HECW1: variants seen among roughly 807,000 people sequenced by gnomAD.
The protein encoded by HECW1 is HECT, C2 and WW domain containing E3 ubiquitin protein ligase 1, also known as E3 ubiquitin-protein ligase HECW1.
HECW1 carries 61 observed loss-of-function variants against 182.3 expected under a neutral mutation model. That is an observed-to-expected ratio of 0.33 (90% CI 0.27 to 0.41). The LOEUF (loss-of-function observed/expected upper bound fraction) is 0.41. HECW1 is among the 10% of genes least tolerant of loss of function. The probability of loss-of-function intolerance (pLI) is 1.00; values close to 1 mark genes in which losing one functional copy is unlikely to be tolerated. For missense variants in HECW1, 1,739 were observed against 2,108.9 expected, an observed-to-expected ratio of 0.82 and a Z score of 3.44; for synonymous variants, 859 against 832.6, an observed-to-expected ratio of 1.03 and a Z score of -0.55.
intron 16 of HECW1, among the ~76,000 whole-genome samples, chr7:43,477,829 C>A (rs2078275148): frequency 6.6e-6 from 1 of 152,078 alleles, no homozygotes; most frequent in African/African-American, 2.4e-5. Flanking sequence ...CTCATACCTT[C>A]CAAGAATAAT....
intron 5 of HECW1, among the ~76,000 whole-genome samples, chr7:43,354,074 G>T (rs1266390948): frequency 1.3e-5 from 2 of 151,718 alleles, no homozygotes; most frequent in South Asian, 4.2e-4. Flanking sequence ...GCAAACCTGG[G>T]TTTAATGTGC....
chr7:43,531,317 G>A (rs2080976497), intron 24 of HECW1, among the ~76,000 whole-genome samples: 2 of 152,152 alleles, frequency 1.3e-5, no homozygotes, highest in African/African-American at 2.4e-5. Flanking sequence ...ACAGCACCCT[G>A]TGCACTTCTC....
At chr7:43,178,821 C>T (rs1419588612) in intron 2 of HECW1, among the ~76,000 whole-genome samples, 2 of 152,198 alleles carry the variant, frequency 1.3e-5, no homozygotes, top group African/African-American at 4.8e-5. Flanking sequence ...CCACTTGGAC[C>T]TTCAAGGCTT....
At chr7:43,262,243 T>C (rs964796203) in intron 3 of HECW1, among the ~76,000 whole-genome samples, 2 of 132,954 alleles carry the variant, frequency 1.5e-5, no homozygotes, top group Non-Finnish European at 3.1e-5. Context: ...TATATGTATG[T>C]GTGCGTGTGT....
intron 2 of HECW1, among the ~76,000 whole-genome samples, chr7:43,234,688 A>G (rs751828258): frequency 1.3e-5 from 2 of 152,104 alleles, no homozygotes; most frequent in Non-Finnish European, 2.9e-5. Flanking sequence ...TTGAAGTTGC[A>G]TGATCTCTAA....
At chr7:43,292,698 C>CAGGCTTAATGTGAGGCATTAAG in intron 3 of HECW1, among the ~76,000 whole-genome samples, 1 of 152,142 alleles carries the variant, frequency 6.6e-6, no homozygotes, top group African/African-American at 2.4e-5. Context: ...CAGCACATGT[C>CAGGCTTAATGTGAGGCATTAAG]ACCCAGCACC....
At chr7:43,231,999 G>A (rs1408406630) in intron 2 of HECW1, among the ~76,000 whole-genome samples, 3 of 146,646 alleles carry the variant, frequency 2.0e-5, no homozygotes, top group Admixed American at 6.8e-5. Flanking sequence ...TCCAGCCTGG[G>A]CGACAGAGCG....
At chr7:43,493,326 G>A (rs1042609117) in intron 19 of HECW1, 146 bp downstream of exon 19, 1 of 562,646 alleles carries the variant, frequency 1.8e-6, no homozygotes. Context: ...CAAGATGAAG[G>A]GTTCGGGGTT....
At chr7:43,326,793 G>T (rs1226108950) in intron 5 of HECW1, among the ~76,000 whole-genome samples, 1 of 152,224 alleles carries the variant, frequency 6.6e-6, no homozygotes, top group Non-Finnish European at 1.5e-5. Flanking sequence ...AGACCAAAGG[G>T]CACTGGAGGA....
At chr7:43,471,066 A>G (rs1424300000) in intron 16 of HECW1, among the ~76,000 whole-genome samples, 1 of 152,264 alleles carries the variant, frequency 6.6e-6, no homozygotes, top group Admixed American at 6.5e-5. Context: ...ATAAGTTAAT[A>G]AGTTAATGAA....
intron 25 of HECW1, 146 bp from the exon 26 acceptor site, chr7:43,541,723 A>G (rs2117270): frequency 0.34 from 211,766 of 629,016 alleles, 36,196 homozygotes; most frequent in African/African-American, 0.4. Flanking sequence ...ATGACTGAAT[A>G]ATCTGATTCA....
intron 29 of HECW1, among the ~76,000 whole-genome samples, chr7:43,557,413 G>A (rs2082064632): frequency 6.6e-6 from 1 of 152,236 alleles, no homozygotes; most frequent in Admixed American, 6.5e-5. Context: ...CTTTGTGTCA[G>A]TCCAAGCCCC....
intron 3 of HECW1, among the ~76,000 whole-genome samples, chr7:43,310,585 C>A (rs1309795144): frequency 6.6e-6 from 1 of 152,152 alleles, no homozygotes; most frequent in Non-Finnish European, 1.5e-5. Flanking sequence ...ACTCAGAATG[C>A]CAACGCTGTG....
chr7:43,522,541 T>G (rs1325221916), intron 24 of HECW1: 2 of 152,632 alleles, frequency 1.3e-5, no homozygotes, highest in African/African-American at 4.8e-5. Context: ...TCATGAAGGC[T>G]GGAGGTTAGC....
rs2078403561 is a variant in HECW1 at position 43,480,717 on chromosome 7, ACG to A, written c.3234+975_3234+976del. ...TATATACACACACACACACATATAT[ACG>A]CATATATATATATATATACACACAC... On this transcript the variant is annotated intron_variant, in intron 17 of 29. Transcript: ENST00000395891. Among the ~76,000 whole-genome samples the A allele has an allele frequency of 5.4e-5, 8 of 147,456 alleles. No homozygotes were observed. In the South Asian group the frequency reaches 1.8e-3, roughly 33 times the overall value.
rs188836396 is a variant in HECW1 at position 43,454,168 on chromosome 7, C to T, written c.2501-2129C>T. On this transcript the variant is annotated intron_variant, in intron 12 of 29. Transcript: ENST00000395891. ...AGCCAACCTTTGTCTGCGAAGGACC[C>T]CTTTCTTTACTGTAGGTTCCTGGAG... Among the ~76,000 whole-genome samples the T allele has an allele frequency of 2.8e-3, 424 of 152,308 alleles. 1 individual carries two copies. The highest frequency in any genetic ancestry group is 5.3e-3 in the Non-Finnish European group (358 of 68,032).
At chr7:43,282,025 T>C (rs1288384530) in intron 3 of HECW1, among the ~76,000 whole-genome samples, 1 of 152,230 alleles carries the variant, frequency 6.6e-6, no homozygotes, top group Non-Finnish European at 1.5e-5. Context: ...TAGAGCAATG[T>C]GACTTTATTG....
intron 2 of HECW1, among the ~76,000 whole-genome samples, chr7:43,172,054 G>A (rs1225578414): frequency 1.3e-5 from 2 of 149,990 alleles, no homozygotes; most frequent in African/African-American, 4.9e-5. Flanking sequence ...GAGGCGGGTG[G>A]ATAACTTGAG....
chr7:43,545,299 C>T (rs968656461), intron 26 of HECW1, among the ~76,000 whole-genome samples: 2 of 151,980 alleles, frequency 1.3e-5, no homozygotes, highest in African/African-American at 4.8e-5. Context: ...TTCAAGAAAA[C>T]GAAGTCAACT....
Sources: allele counts gnomAD v4.1 joint callset (sites outside exome capture counted in the v4.1 genomes callset), GRCh38; gene constraint gnomAD v4.1.1; transcripts MANE v1.5; gene names NCBI Gene and HGNC (gene_info 2026-07-23, HGNC 2026-07-21).